EML4: variants seen among roughly 807,000 people sequenced by gnomAD.
EML4 encodes EMAP like 4.
Under a neutral mutation model 129.0 loss-of-function variants are expected in EML4, and 72 were observed. That is an observed-to-expected ratio of 0.56 (90% CI 0.46 to 0.68). The LOEUF (loss-of-function observed/expected upper bound fraction) is 0.68, where lower values mean the gene tolerates loss of function less well. EML4 is among the 30% of genes least tolerant of loss of function. EML4 has a pLI of 0.00. For missense variants in EML4, 1,363 were observed against 1,190.6 expected (o/e 1.14, Z -2.13); for synonymous variants, 532 against 405.0 (o/e 1.31, Z -3.77).
Position 42,331,098 on chromosome 2 carries a change from A to G in EML4, c.*891A>G. ...GGCTAATTTCAGCTAAGCCTTCATCATAATTTGTTCCCTCAGTAATAGGAG... is the reference window on the plus strand; with the variant it reads ...GGCTAATTTCAGCTAAGCCTTCATCGTAATTTGTTCCCTCAGTAATAGGAG... On this transcript the variant is annotated 3_prime_UTR_variant, in exon 23 of 23. Coordinates refer to ENST00000318522, the MANE Select transcript of EML4 (RefSeq NM_019063.5). The G allele has an allele frequency of 9.2e-6, 2 of 218,368 alleles. No individual in the cohort carries two copies. Among genetic ancestry groups the G allele is most frequent in the Non-Finnish European group, 9.2e-6 (1 of 108,438 alleles). 13.5% of individuals were successfully genotyped at this position (218,368 alleles called of 1,614,324 possible).
intron 6 of EML4, among the ~76,000 whole-genome samples, chr2:42,269,528 CAT>C (rs1558559982): frequency 6.6e-6 from 1 of 152,106 alleles, no homozygotes; most frequent in Non-Finnish European, 1.5e-5. Context: ...ATAAATACTT[CAT>C]ATGTCAGGAA....
intron 19 of EML4, among the ~76,000 whole-genome samples, chr2:42,321,659 A>G (rs1472781818): frequency 6.6e-6 from 1 of 152,122 alleles, no homozygotes; most frequent in East Asian, 1.9e-4. Flanking sequence ...TGCCACCCCT[A>G]ACTTCAAAGG....
At chr2:42,187,544 A>G (rs1313617490) in intron 1 of EML4, among the ~76,000 whole-genome samples, 1 of 152,212 alleles carries the variant, frequency 6.6e-6, no homozygotes, top group Non-Finnish European at 1.5e-5. Flanking sequence ...TGGACATTTC[A>G]GTTGCTATTA....
At chr2:42,260,380 C>T (rs1665653802) in intron 3 of EML4, among the ~76,000 whole-genome samples, 1 of 151,960 alleles carries the variant, frequency 6.6e-6, no homozygotes, top group South Asian at 2.1e-4. Flanking sequence ...GTTGCCTGGG[C>T]TGGTCTTGAA....
At chr2:42,237,857 G>A (rs1300712762) in intron 1 of EML4, among the ~76,000 whole-genome samples, 1 of 152,196 alleles carries the variant, frequency 6.6e-6, no homozygotes, top group Non-Finnish European at 1.5e-5. Context: ...GGTTGAGGAG[G>A]AAGAGGAGAG....
At chr2:42,328,123 TAAGA>T (rs1023653225) in intron 21 of EML4, among the ~76,000 whole-genome samples, 12 of 152,226 alleles carry the variant, frequency 7.9e-5, no homozygotes, top group African/African-American at 2.9e-4. Context: ...TTTAAATTAT[TAAGA>T]GAGACCAATT....
chr2:42,299,364 C>G (rs980387504), intron 13 of EML4, among the ~76,000 whole-genome samples: 1 of 152,186 alleles, frequency 6.6e-6, no homozygotes, highest in Non-Finnish European at 1.5e-5. Context: ...AGAACAATCT[C>G]AGTAACAACT....
chr2:42,213,658 A>G (rs1045564948), intron 1 of EML4, among the ~76,000 whole-genome samples: 14 of 152,220 alleles, frequency 9.2e-5, no homozygotes, highest in African/African-American at 3.4e-4. Context: ...CGCAGCAGCG[A>G]TATGAATCTT....
rs1671887588 is a variant in EML4 at position 42,196,209 on chromosome 2, T to TGAGTGAATTAATACATTCAGTCATTAAG, written c.25+26592_25+26593insGTCATTAAGGAGTGAATTAATACATTCA. ...GTGAATTAATACATTCAGTCATTAATGAGTGAATTAATACATTCATTTATT... is the reference window on the plus strand; with the variant it reads ...GTGAATTAATACATTCAGTCATTAATGAGTGAATTAATACATTCAGTCATTAAGGAGTGAATTAATACATTCATTTATT... On this transcript the variant is annotated intron_variant, in intron 1 of 22. Coordinates refer to ENST00000318522, the MANE Select transcript of EML4 (RefSeq NM_019063.5). Among the ~76,000 whole-genome samples the TGAGTGAATTAATACATTCAGTCATTAAG allele has an allele frequency of 1.3e-5, 2 of 151,892 alleles. 1 individual carries two copies. The highest frequency in any genetic ancestry group is 4.8e-5 in the African/African-American group (2 of 41,382).
Position 42,242,687 on chromosome 2 carries a change from CCTTTTTTCT to C in EML4, c.26-2812_26-2804del, listed in dbSNP as rs554530951. ...TCTCCTTTCCTCCCTCCCTTCCTTC[CCTTTTTTCT>C]CTTTTCTTTTCTTTCCTTTTCTTTT... On this transcript the variant is annotated intron_variant, in intron 1 of 22. Transcript: ENST00000318522. 1.2e-3 allele frequency among the ~76,000 whole-genome samples: 189 copies of C among 152,012 alleles called. 1 individual carries two copies. Among genetic ancestry groups the C allele is most frequent in the Non-Finnish European group, 2.4e-3 (162 of 67,960 alleles).
chr2:42,288,138 A>G lies in EML4; in HGVS notation c.1123-89A>G, dbSNP rs572167722. 40 of 565,984 alleles carry G rather than the reference A, an allele frequency of 7.1e-5. 1 individual carries two copies. In the South Asian group the frequency reaches 1.1e-3, roughly 15 times the overall value. 35.1% of individuals were successfully genotyped at this position (565,984 alleles called of 1,614,324 possible). A position where few individuals can be genotyped will look rare whatever the true frequency, so the allele number is the denominator to read the frequency against. ...TTAAAGGATTTTGGGTTATCTTACTATTTGCAGTTTTAATAAGATGGTATT... is the reference window on the plus strand; with the variant it reads ...TTAAAGGATTTTGGGTTATCTTACTGTTTGCAGTTTTAATAAGATGGTATT... On this transcript the variant is annotated intron_variant, in intron 10 of 22. Transcript: ENST00000318522.
chr2:42,227,015 A>C (rs2104159763), intron 1 of EML4, among the ~76,000 whole-genome samples: 1 of 152,354 alleles, frequency 6.6e-6, no homozygotes, highest in Middle Eastern at 3.4e-3. Flanking sequence ...TCTCAAAAGG[A>C]AAGCAAGATT....
chr2:42,231,175 G>A (rs186825120), intron 1 of EML4, among the ~76,000 whole-genome samples: 1 of 152,204 alleles, frequency 6.6e-6, no homozygotes, highest in African/African-American at 2.4e-5. Flanking sequence ...CTTAATACTG[G>A]CCAAATCAGA....
intron 13 of EML4, among the ~76,000 whole-genome samples, chr2:42,296,595 C>A (rs1459761092): frequency 1.3e-5 from 2 of 152,116 alleles, no homozygotes; most frequent in Admixed American, 6.5e-5. Context: ...TACATATCTG[C>A]CTTCCCCAAT....
chr2:42,215,640 A>G (rs902426452), intron 1 of EML4, among the ~76,000 whole-genome samples: 13 of 152,228 alleles, frequency 8.5e-5, no homozygotes, highest in African/African-American at 2.4e-4. Flanking sequence ...CCATATATCT[A>G]TCTGTTATCA....
intron 11 of EML4, among the ~76,000 whole-genome samples, chr2:42,293,350 C>T (rs143103447): frequency 1.3e-5 from 2 of 152,160 alleles, no homozygotes; most frequent in African/African-American, 4.8e-5. Context: ...GTCCTCCCAC[C>T]TTGGCCACCC....
chr2:42,253,673 A>G (rs2104343579), intron 2 of EML4, among the ~76,000 whole-genome samples: 1 of 152,346 alleles, frequency 6.6e-6, no homozygotes, highest in African/African-American at 2.4e-5. Context: ...AGACTGCTCA[A>G]GAGTTATTTC....
At chr2:42,178,641 A>G (rs542085039) in intron 1 of EML4, among the ~76,000 whole-genome samples, 5 of 152,294 alleles carry the variant, frequency 3.3e-5, no homozygotes, top group Non-Finnish European at 5.9e-5. Flanking sequence ...GCCAAAAACA[A>G]CAACTGCAAA....
intron 1 of EML4, among the ~76,000 whole-genome samples, chr2:42,235,984 C>T (rs13393459): frequency 0.11 from 17,354 of 152,010 alleles, 1,050 homozygotes; most frequent in East Asian, 0.17. Context: ...ACTGAACTTC[C>T]CTCCCCCTCC....
Sources: allele counts gnomAD v4.1 joint callset (sites outside exome capture counted in the v4.1 genomes callset), GRCh38; gene constraint gnomAD v4.1.1; transcripts MANE v1.5; gene names NCBI Gene and HGNC (gene_info 2026-07-23, HGNC 2026-07-21).